COL25A1: variants seen among roughly 807,000 people sequenced by gnomAD.
COL25A1 encodes the protein collagen type XXV alpha 1 chain.
A neutral mutation model predicts 128.4 loss-of-function variants in COL25A1; 103 were observed. The ratio of observed to expected loss-of-function variants is 0.80; its 90% CI spans 0.68 to 0.94. The LOEUF (loss-of-function observed/expected upper bound fraction) is 0.94, where lower values mean the gene tolerates loss of function less well. Among genes scored for constraint, COL25A1 ranks in the 40% least tolerant of loss-of-function variants. The pLI is 0.00. For synonymous variants in COL25A1, 279 were observed against 277.2 expected, an observed-to-expected ratio of 1.01 and a Z score of -0.06; for missense variants, 745 against 840.0, an observed-to-expected ratio of 0.89 and a Z score of 1.40.
At chr4:109,096,446 C>A (rs1765405022) in intron 3 of COL25A1, among the ~76,000 whole-genome samples, 1 of 138,704 alleles carries the variant, frequency 7.2e-6, no homozygotes, top group African/African-American at 2.8e-5. Context: ...GTTACAATTG[C>A]CTAGAATATT....
At chr4:108,860,717 T>C (rs1737102055) in intron 23 of COL25A1, among the ~76,000 whole-genome samples, 1 of 152,130 alleles carries the variant, frequency 6.6e-6, no homozygotes, top group Non-Finnish European at 1.5e-5. Flanking sequence ...TCAAAGAAGC[T>C]TAGTTTATGT....
At chr4:109,279,443 A>G (rs1000188852) in intron 3 of COL25A1, among the ~76,000 whole-genome samples, 1 of 152,132 alleles carries the variant, frequency 6.6e-6, no homozygotes, top group Non-Finnish European at 1.5e-5. Flanking sequence ...AGGTCTGGCT[A>G]ATCTGCACAC....
chr4:109,119,953 AT>A (rs1236225583), intron 3 of COL25A1, among the ~76,000 whole-genome samples: 1 of 152,150 alleles, frequency 6.6e-6, no homozygotes, highest in Non-Finnish European at 1.5e-5. Flanking sequence ...ACTAGAAGTT[AT>A]CCCCAGTATG....
chr4:108,942,137 A>G (rs967243328), intron 8 of COL25A1: 9 of 1,480,556 alleles, frequency 6.1e-6, no homozygotes, highest in South Asian at 3.7e-5. Context: ...CGGCAAGCCA[A>G]TTGAATGGTT....
intron 3 of COL25A1, among the ~76,000 whole-genome samples, chr4:109,068,387 G>C: frequency 6.6e-6 from 1 of 152,118 alleles, no homozygotes; most frequent in South Asian, 2.1e-4. Flanking sequence ...CTGAAAGGGA[G>C]GGAGAGAGGA....
intron 13 of COL25A1, among the ~76,000 whole-genome samples, chr4:108,902,672 G>A (rs1742981494): frequency 6.6e-6 from 1 of 151,936 alleles, no homozygotes; most frequent in Admixed American, 6.6e-5. Flanking sequence ...TATTATAGTG[G>A]ATTATTAAAA....
intron 19 of COL25A1, among the ~76,000 whole-genome samples, chr4:108,875,330 T>C (rs1416053387): frequency 3.3e-5 from 5 of 152,102 alleles, no homozygotes; most frequent in Non-Finnish European, 5.9e-5. Flanking sequence ...AGGGCTAATA[T>C]GCAGAATCTA....
At chr4:109,074,966 G>A (rs1444865179) in intron 3 of COL25A1, among the ~76,000 whole-genome samples, 1 of 152,166 alleles carries the variant, frequency 6.6e-6, no homozygotes, top group Non-Finnish European at 1.5e-5. Flanking sequence ...CAATGCTAAA[G>A]TTAGGTGAGC....
chr4:109,070,798 T>C (rs1560635331), intron 3 of COL25A1, among the ~76,000 whole-genome samples: 1 of 151,252 alleles, frequency 6.6e-6, no homozygotes, highest in Non-Finnish European at 1.5e-5. Flanking sequence ...TGGTTTTTTG[T>C]CCTTGCGATA....
At chr4:109,196,350 G>A (rs948858963) in intron 3 of COL25A1, among the ~76,000 whole-genome samples, 4 of 152,112 alleles carry the variant, frequency 2.6e-5, no homozygotes, top group Admixed American at 6.6e-5. Context: ...TATAGTGTAT[G>A]AGAGAATAAA....
intron 3 of COL25A1, among the ~76,000 whole-genome samples, chr4:109,105,921 G>GT (rs79767465): frequency 0.23 from 35,455 of 151,982 alleles, 5,372 homozygotes; most frequent in African/African-American, 0.41. Flanking sequence ...AAGCTGTAAA[G>GT]TTTCTGTCAA....
At chr4:109,045,771 A>G (rs1269365090) in intron 5 of COL25A1, among the ~76,000 whole-genome samples, 1 of 152,190 alleles carries the variant, frequency 6.6e-6, no homozygotes, top group African/African-American at 2.4e-5. Flanking sequence ...AACTTGAATT[A>G]TCTTCCAGTC....
intron 3 of COL25A1, among the ~76,000 whole-genome samples, chr4:109,155,011 C>T (rs900221044): frequency 2.6e-5 from 4 of 152,134 alleles, no homozygotes; most frequent in Non-Finnish European, 4.4e-5. Flanking sequence ...ATATTTGGAT[C>T]TTTCTGACTA....
chr4:108,984,467 C>T (rs116018746), intron 6 of COL25A1, among the ~76,000 whole-genome samples: 6,226 of 152,118 alleles, frequency 0.041, 409 homozygotes, highest in African/African-American at 0.14. Flanking sequence ...AGGCTCCCGC[C>T]GCACAGGAGA....
At chr4:109,036,212 C>T (rs1351825245) in intron 5 of COL25A1, among the ~76,000 whole-genome samples, 2 of 152,086 alleles carry the variant, frequency 1.3e-5, no homozygotes, top group Non-Finnish European at 2.9e-5. Flanking sequence ...CAGGCATGAG[C>T]TACCATGCCC....
intron 3 of COL25A1, among the ~76,000 whole-genome samples, chr4:109,060,968 T>C (rs1467356563): frequency 1.3e-5 from 2 of 152,214 alleles, no homozygotes; most frequent in Non-Finnish European, 2.9e-5. Flanking sequence ...CAAATCCATC[T>C]GCATAAACTA....
intron 6 of COL25A1, among the ~76,000 whole-genome samples, chr4:108,981,961 T>C (rs1180393256): frequency 1.3e-5 from 2 of 152,174 alleles, no homozygotes; most frequent in Admixed American, 1.3e-4. Context: ...TTTAGGAGGC[T>C]GAGGCAGGCA....
intron 5 of COL25A1, among the ~76,000 whole-genome samples, chr4:109,013,988 G>A (rs1314262074): frequency 2.0e-5 from 3 of 152,112 alleles, no homozygotes; most frequent in Non-Finnish European, 4.4e-5. Flanking sequence ...TCTTTCTGAT[G>A]TTTTGAACTA....
At chr4:108,986,988 A>T (rs1447791694) in intron 6 of COL25A1, among the ~76,000 whole-genome samples, 1 of 152,164 alleles carries the variant, frequency 6.6e-6, no homozygotes, top group Non-Finnish European at 1.5e-5. Context: ...TTAGCAATTG[A>T]TGTTTCTTGA....
Sources: gnomAD v4.1 joint callset for allele counts (sites outside exome capture counted in the v4.1 genomes callset) on GRCh38, gnomAD v4.1.1 for gene constraint, MANE v1.5 for transcripts, NCBI Gene and HGNC (gene_info 2026-07-23, HGNC 2026-07-21) for gene names.